ASIC2: variants seen among roughly 807,000 people sequenced by gnomAD.
ASIC2 encodes the protein acid-sensing ion channel 2.
In ASIC2, 25 loss-of-function variants were observed where a neutral mutation model predicts 57.3. The ratio of observed to expected loss-of-function variants is 0.44; its 90% CI spans 0.32 to 0.61. ASIC2 has a LOEUF of 0.61. Ranked by LOEUF, ASIC2 falls within the 20% of genes least tolerant of loss-of-function variation. The pLI is 0.06. For synonymous variants in ASIC2, 319 were observed against 307.5 expected (o/e 1.04, Z -0.39); for missense variants, 641 against 738.1 (o/e 0.87, Z 1.52).
intron 1 of ASIC2, among the ~76,000 whole-genome samples, chr17:34,148,741 CA>C (rs1351885610): frequency 6.6e-6 from 1 of 151,948 alleles, no homozygotes; most frequent in Non-Finnish European, 1.5e-5. Context: ...AGCAAACATT[CA>C]AAAAACAGTA....
intron 1 of ASIC2, among the ~76,000 whole-genome samples, chr17:33,961,825 C>CA (rs1904933344): frequency 6.6e-6 from 1 of 152,202 alleles, no homozygotes. Context: ...CAGAACCCAA[C>CA]ATTGCTCTCC....
chr17:33,330,325 G>A (rs1907260406), intron 1 of ASIC2, among the ~76,000 whole-genome samples: 1 of 152,142 alleles, frequency 6.6e-6, no homozygotes. Context: ...AGCTCATTCT[G>A]TGCTTCTCAA....
At chr17:33,196,206 A>G (rs1378084825) in intron 1 of ASIC2, among the ~76,000 whole-genome samples, 1 of 152,194 alleles carries the variant, frequency 6.6e-6, no homozygotes, top group East Asian at 1.9e-4. Context: ...GAGAGGTTAA[A>G]CAATTGAATG....
chr17:33,768,435 C>A (rs1309473638), intron 1 of ASIC2, among the ~76,000 whole-genome samples: 1 of 152,142 alleles, frequency 6.6e-6, no homozygotes, highest in African/African-American at 2.4e-5. Context: ...ATTTTTGCTT[C>A]TTTTCCTGGG....
At chr17:33,854,805 G>A (rs1364188513) in intron 1 of ASIC2, among the ~76,000 whole-genome samples, 1 of 152,128 alleles carries the variant, frequency 6.6e-6, no homozygotes, top group Non-Finnish European at 1.5e-5. Context: ...ATCTGCCCTG[G>A]GATGAACTTT....
rs545825747 is a variant in ASIC2 at position 33,153,572 on chromosome 17, G to A, written c.709-41505C>T. ...TTGGGTGCAGTAATGGTGGGCTTTC[G>A]TCTACTATTTTGACGACAGTTTTGC... On this transcript the variant is annotated intron_variant, in intron 1 of 9. Transcript: ENST00000225823. Among the ~76,000 whole-genome samples the A allele has an allele frequency of 1.2e-4, 19 of 152,302 alleles. No homozygotes were observed. In the South Asian group the frequency reaches 3.9e-3, roughly 32 times the overall value.
chr17:33,713,404 G>A (rs1909114386), intron 1 of ASIC2, among the ~76,000 whole-genome samples: 1 of 152,166 alleles, frequency 6.6e-6, no homozygotes, highest in South Asian at 2.1e-4. Context: ...ACATCTGGTG[G>A]TTGCAGCAAT....
At chr17:33,738,411 GC>G (rs1427688442) in intron 1 of ASIC2, among the ~76,000 whole-genome samples, 2 of 152,118 alleles carry the variant, frequency 1.3e-5, no homozygotes, top group South Asian at 2.1e-4. Context: ...TTTCTGGTCT[GC>G]CTCTGGGCTG....
intron 1 of ASIC2, among the ~76,000 whole-genome samples, chr17:33,645,208 G>A (rs1371386579): frequency 7.2e-5 from 11 of 152,266 alleles, no homozygotes; most frequent in Admixed American, 1.3e-4. Flanking sequence ...ATGTAATGCC[G>A]TAAATAAATG....
At position 33,858,430 on chromosome 17, in the gene ASIC2, G is replaced by A. The variant is rs76856416; in HGVS notation, c.555+297548C>T. Among the ~76,000 whole-genome samples the A allele has an allele frequency of 2.3e-3, 356 of 152,274 alleles. 5 individuals are homozygous for A. Among genetic ancestry groups the A allele is most frequent in the African/African-American group, 8.1e-3 (337 of 41,552 alleles). ...ATGAAGGGCTCTGTGCTGCCAGTCC[G>A]GGAGCGATTCCCTCTGTGCTCTCAA... is the stretch of plus-strand genomic sequence containing the variant. On this transcript the variant is annotated intron_variant, in intron 1 of 9. Transcript: ENST00000359872.
At chr17:33,992,127 G>T (rs1177511716) in intron 1 of ASIC2, among the ~76,000 whole-genome samples, 2 of 152,070 alleles carry the variant, frequency 1.3e-5, no homozygotes, top group African/African-American at 4.8e-5. Context: ...GGACCGGTTT[G>T]GTGGTTTGAA....
In ASIC2 at chr17:33,205,689, C is replaced by T. The variant is rs116452128; in HGVS notation, c.708+85719G>A. 5.8e-3 allele frequency among the ~76,000 whole-genome samples: 878 copies of T among 152,268 alleles called. 11 individuals are homozygous for T. Among genetic ancestry groups the T allele is most frequent in the African/African-American group, 0.02 (827 of 41,552 alleles). ...CAACTGGCCTCTTGCTGGAGGCAGC[C>T]GGCCATTCAGTTCTGGTTGGGTCCT... On this transcript the variant is annotated intron_variant, in intron 1 of 9. Transcript: ENST00000225823.
chr17:33,125,775 G>A (rs1017727308), intron 1 of ASIC2, among the ~76,000 whole-genome samples: 10 of 152,144 alleles, frequency 6.6e-5, no homozygotes, highest in Admixed American at 5.2e-4. Context: ...TGTTCTTGTC[G>A]AGCTGTGGGC....
chr17:33,224,000 C>T (rs1003677769), intron 1 of ASIC2, among the ~76,000 whole-genome samples: 1 of 152,188 alleles, frequency 6.6e-6, no homozygotes, highest in Non-Finnish European at 1.5e-5. Flanking sequence ...TCTGCAGGCA[C>T]CTCCATTTGA....
intron 1 of ASIC2, among the ~76,000 whole-genome samples, chr17:34,032,827 T>C (rs1907676608): frequency 2.0e-5 from 3 of 152,326 alleles, no homozygotes; most frequent in African/African-American, 7.2e-5. Flanking sequence ...CCTAAATATA[T>C]ATGCGCCCAG....
intron 1 of ASIC2, among the ~76,000 whole-genome samples, chr17:33,362,796 A>G (rs1036439584): frequency 6.6e-6 from 1 of 152,262 alleles, no homozygotes; most frequent in Non-Finnish European, 1.5e-5. Flanking sequence ...ATGTATTACA[A>G]TCACCAGAGC....
intron 1 of ASIC2, among the ~76,000 whole-genome samples, chr17:33,485,282 A>T (rs1008581228): frequency 2.6e-5 from 4 of 152,244 alleles, no homozygotes; most frequent in African/African-American, 9.6e-5. Flanking sequence ...AGCCCTGAGT[A>T]AAGTGCAAAG....
intron 1 of ASIC2, among the ~76,000 whole-genome samples, chr17:33,892,003 CTTTG>C (rs145356902): frequency 6.6e-5 from 10 of 152,208 alleles, no homozygotes; most frequent in East Asian, 1.9e-4. Flanking sequence ...TTGTAATCTG[CTTTG>C]TTTATTTTAA....
intron 1 of ASIC2, chr17:34,069,266 C>T (rs1446469518): frequency 6.9e-6 from 1 of 145,674 alleles, no homozygotes; most frequent in African/African-American, 2.6e-5. Flanking sequence ...TTTCCTTTTC[C>T]TTTCTTCCTT....
Sources: gnomAD v4.1 joint callset for allele counts (sites outside exome capture counted in the v4.1 genomes callset) on GRCh38, gnomAD v4.1.1 for gene constraint, MANE v1.5 for transcripts, NCBI Gene and HGNC (gene_info 2026-07-23, HGNC 2026-07-21) for gene names.